The following DMXL2 variants were observed in gnomAD, a reference collection of about 807,000 sequenced individuals.
DMXL2 encodes the protein dmX-like protein 2.
DMXL2 carries 103 observed loss-of-function variants against 331.1 expected under a neutral mutation model. The observed-to-expected ratio is 0.31, with a 90% confidence interval of 0.27 to 0.37. The LOEUF (loss-of-function observed/expected upper bound fraction) is 0.37, where lower values mean the gene tolerates loss of function less well. Ranked by LOEUF, DMXL2 falls within the 10% of genes least tolerant of loss-of-function variation. The pLI is 1.00. For missense variants in DMXL2, 3,171 were observed against 3,642.9 expected, an observed-to-expected ratio of 0.87 and a Z score of 3.33; for synonymous variants, 1,281 against 1,252.1, an observed-to-expected ratio of 1.02 and a Z score of -0.49.
chr15:51,456,275 G>A, intron 38 of DMXL2, 34 bp downstream of exon 38: 1 of 1,594,388 alleles, frequency 6.3e-7, no homozygotes, highest in Non-Finnish European at 8.5e-7. Flanking sequence ...CTCCAAATGA[G>A]GACACTTACA....
Position 51,495,156 on chromosome 15 carries a change from T to C in DMXL2, c.4673-22A>G, listed in dbSNP as rs1474281545. 7 of 1,533,838 alleles carry C rather than the reference T, an allele frequency of 4.6e-6. No individual in the cohort carries two copies. The Admixed American group carries it at 5.1e-5, about 11-fold the overall frequency. On this transcript the variant is annotated intron_variant, in intron 18 of 43. Coordinates refer to ENST00000560891, the MANE Select transcript of DMXL2 (RefSeq NM_001378457.1). The stretch of plus-strand genomic sequence containing the variant: ...CTTCCTGTAATTTAAACAGGAAATA[T>C]GTTTAAGGAAAAAAGAATGCAAGAG...
intron 41 of DMXL2, among the ~76,000 whole-genome samples, chr15:51,452,335 C>A (rs1047163269): frequency 6.6e-6 from 1 of 152,060 alleles, no homozygotes; most frequent in Non-Finnish European, 1.5e-5. Flanking sequence ...AAAAAGGCAA[C>A]CTGCAGAGTG....
At chr15:51,537,340 C>G in intron 11 of DMXL2, 148 bp downstream of exon 11, 1 of 705,628 alleles carries the variant, frequency 1.4e-6, no homozygotes, top group Admixed American at 3.1e-5. Context: ...GGTCACTGAT[C>G]CCTTCTGAAA....
chr15:51,512,122 A>G (rs976633088), intron 15 of DMXL2, among the ~76,000 whole-genome samples: 1 of 152,176 alleles, frequency 6.6e-6, no homozygotes, highest in African/African-American at 2.4e-5. Flanking sequence ...GCAAACCACC[A>G]TGGCACATGT....
chr15:51,500,773 T>A (rs2043534673), intron 17 of DMXL2, among the ~76,000 whole-genome samples: 1 of 152,296 alleles, frequency 6.6e-6, no homozygotes, highest in Admixed American at 6.5e-5. Context: ...GTTTAATTCA[T>A]CCTCTCTTAG....
intron 1 of DMXL2, among the ~76,000 whole-genome samples, chr15:51,590,317 C>A (rs923054210): frequency 2.6e-5 from 4 of 152,196 alleles, no homozygotes; most frequent in Non-Finnish European, 5.9e-5. Context: ...CCAGGGAAGT[C>A]ACTGTGATTC....
Position 51,464,853 on chromosome 15 carries a change from C to G in DMXL2, c.7630G>C (p.Gly2544Arg). ...TCCAAGTTTTTAATCACAGCAATACCTAATGGTGATGTTACAGGCAGCTCT... is the reference window on the plus strand; with the variant it reads ...TCCAAGTTTTTAATCACAGCAATACGTAATGGTGATGTTACAGGCAGCTCT... ...FSELPVTSPL[G>R]IAVIKNLENW... The change falls in exon 32 of 44, where the codon GGT (glycine) becomes CGT (arginine). Residue 2544 changes from glycine (G) to arginine (R), a missense_variant. Gly to Arg is a moderately radical substitution (Grantham distance 125). Transcript: ENST00000560891. The G allele has an allele frequency of 1.2e-6, 2 of 1,613,854 alleles. No individual in the cohort carries two copies. Among genetic ancestry groups the G allele is most frequent in the Non-Finnish European group, 1.7e-6 (2 of 1,179,868 alleles).
intron 1 of DMXL2, among the ~76,000 whole-genome samples, chr15:51,591,591 C>A (rs1196744851): frequency 1.3e-5 from 2 of 152,180 alleles, no homozygotes; most frequent in Non-Finnish European, 2.9e-5. Flanking sequence ...GTGGTTCTCC[C>A]AGCACTCAGC....
chr15:51,459,860 T>C lies in DMXL2; in HGVS notation c.7927-200A>G. Reference sequence around the variant, plus strand: ...CAAAGCCAAAAGAGCAAAATTAATGTGACTATTACATAAACACAAGAACAT... The same window carrying C: ...CAAAGCCAAAAGAGCAAAATTAATGCGACTATTACATAAACACAAGAACAT... On this transcript the variant is annotated intron_variant, in intron 33 of 43. Transcript: ENST00000560891. The C allele has an allele frequency of 4.3e-6, 5 of 1,157,824 alleles. No homozygotes were observed. The South Asian group carries it at 9.0e-5, about 21-fold the overall frequency. 71.7% of individuals were successfully genotyped at this position (1,157,824 alleles called of 1,614,324 possible). A position where few individuals can be genotyped will look rare whatever the true frequency, so the allele number is the denominator to read the frequency against.
chr15:51,620,260 C>T (rs1490612642), intron 1 of DMXL2, among the ~76,000 whole-genome samples: 2 of 152,000 alleles, frequency 1.3e-5, no homozygotes, highest in African/African-American at 4.8e-5. Context: ...TCAGTGCGCT[C>T]AAAACTAAGG....
chr15:51,597,307 A>G (rs2052894227), intron 1 of DMXL2, among the ~76,000 whole-genome samples: 1 of 152,194 alleles, frequency 6.6e-6, no homozygotes, highest in Non-Finnish European at 1.5e-5. Flanking sequence ...AAAAGTAGCC[A>G]CTACCCTTTT....
At chr15:51,557,272 G>T (rs902893321) in intron 6 of DMXL2, among the ~76,000 whole-genome samples, 1 of 152,030 alleles carries the variant, frequency 6.6e-6, no homozygotes, top group South Asian at 2.1e-4. Flanking sequence ...TTTACATGAT[G>T]ATTCCATTTA....
At chr15:51,517,400 A>T (rs1405816099) in intron 13 of DMXL2, among the ~76,000 whole-genome samples, 2 of 152,250 alleles carry the variant, frequency 1.3e-5, no homozygotes, top group African/African-American at 2.4e-5. Context: ...TCAAGGTATC[A>T]TATCTTCTTC....
At position 51,455,243 on chromosome 15, in the gene DMXL2, T is replaced by A; in HGVS notation, c.8527-15A>T. On this transcript the variant is annotated splice_polypyrimidine_tract_variant and intron_variant, in intron 39 of 43. Coordinates refer to ENST00000560891, the MANE Select transcript of DMXL2 (RefSeq NM_001378457.1). ...GCAACACCACACTGTAAGAACAGTA[T>A]AACTACTAAACACATGTTCTTAGCA... 6.2e-7 allele frequency: 1 copy of A among 1,606,638 alleles called. No individual in the cohort carries two copies.
chr15:51,474,006 CT>C (rs531233667), intron 28 of DMXL2, among the ~76,000 whole-genome samples: 1,595 of 142,224 alleles, frequency 0.011, 20 homozygotes, highest in African/African-American at 0.037. Context: ...TTTGTTTTTG[CT>C]TTTTTTTTTT....
At chr15:51,547,469 G>T (rs1280982312) in intron 6 of DMXL2, 61 bp from the exon 7 acceptor site, 6 of 1,251,640 alleles carry the variant, frequency 4.8e-6, no homozygotes, top group Middle Eastern at 2.2e-4. Context: ...AAATTTAAGT[G>T]GTTTGAAGAA....
At position 51,499,777 on chromosome 15, in the gene DMXL2, G is replaced by C; in HGVS notation, c.3447C>G (p.Ser1149Arg). ...CCTTGCTCAAGAGTGCATCTGACTT[G>C]CTATACACAAACAGATTACTGTCGA... The part of the protein sequence containing the change: ...VSVDSNLFVY[S>R]KSDALLSKDR... The change falls in exon 18 of 44, where the codon AGC becomes AGG. Residue 1149 changes from serine to arginine, a missense_variant. Around this residue, in one of 7 missense-constraint regions of DMXL2, gnomAD observed 1,674 missense variants for 1,780.2 expected, o/e 0.94. Transcript: ENST00000560891. 1 of 1,614,086 alleles carries C rather than the reference G, an allele frequency of 6.2e-7. No homozygotes were observed. Among genetic ancestry groups the C allele is most frequent in the South Asian group, 1.1e-5 (1 of 91,074 alleles).
intron 9 of DMXL2, 80 bp from the exon 10 acceptor site, chr15:51,538,532 T>C (rs2048410122): frequency 8.6e-7 from 1 of 1,169,126 alleles, no homozygotes; most frequent in Admixed American, 2.8e-5. Flanking sequence ...GACTAATCTA[T>C]ATAAAGAAAA....
At chr15:51,561,568 C>T (rs2049975164) in intron 6 of DMXL2, among the ~76,000 whole-genome samples, 1 of 152,192 alleles carries the variant, frequency 6.6e-6, no homozygotes, top group Non-Finnish European at 1.5e-5. Context: ...GAGGACCAGT[C>T]CTTGGGCCTA....
Sources: gnomAD v4.1 joint callset for allele counts (sites outside exome capture counted in the v4.1 genomes callset) on GRCh38, gnomAD v4.1.1 for gene constraint, gnomAD v4.1.1 regional missense constraint, MANE v1.5 for transcripts, NCBI Gene and HGNC (gene_info 2026-07-23, HGNC 2026-07-21) for gene names.